CNTN5: variants seen among roughly 807,000 people sequenced by gnomAD.
CNTN5 encodes contactin 5, also known as contactin-5.
Under a neutral mutation model 129.1 loss-of-function variants are expected in CNTN5, and 77 were observed. That is an observed-to-expected ratio of 0.60 (90% CI 0.50 to 0.72). CNTN5 has a LOEUF of 0.72. CNTN5 is among the 30% of genes least tolerant of loss of function. The pLI, the probability that CNTN5 is intolerant of heterozygous loss-of-function variation, is 0.00. For missense variants in CNTN5, 1,478 were observed against 1,328.8 expected, an observed-to-expected ratio of 1.11 and a Z score of -1.75; for synonymous variants, 509 against 465.6, an observed-to-expected ratio of 1.09 and a Z score of -1.20.
chr11:99,286,044 A>G (rs1863927167), intron 1 of CNTN5, among the ~76,000 whole-genome samples: 2 of 150,822 alleles, frequency 1.3e-5, no homozygotes, highest in East Asian at 1.9e-4. Context: ...TCTGGAGAAA[A>G]AAAAAAAAAA....
intron 2 of CNTN5, among the ~76,000 whole-genome samples, chr11:99,330,975 CACAT>C (rs1474874852): frequency 6.6e-6 from 1 of 151,980 alleles, no homozygotes; most frequent in African/African-American, 2.4e-5. Context: ...GACACACACA[CACAT>C]ACACACACAA....
At chr11:99,670,090 A>G (rs931426787) in intron 3 of CNTN5, among the ~76,000 whole-genome samples, 1 of 152,088 alleles carries the variant, frequency 6.6e-6, no homozygotes, top group African/African-American at 2.4e-5. Flanking sequence ...TTATTATTCT[A>G]CTTGTCAGTT....
rs117725080 is a variant in CNTN5 at position 99,948,316 on chromosome 11, C to T, written c.674-8490C>T. Among the ~76,000 whole-genome samples the T allele has an allele frequency of 8.6e-3, 1,306 of 152,210 alleles. 12 individuals are homozygous for T. Among genetic ancestry groups the T allele is most frequent in the Non-Finnish European group, 0.015 (1,044 of 68,008 alleles). ...TATGAACATCTGTATTTCAGGTCCCCGTGCTGGTATTTTATAGTAGGTCTC... is the reference window on the plus strand; with the variant it reads ...TATGAACATCTGTATTTCAGGTCCCTGTGCTGGTATTTTATAGTAGGTCTC... On this transcript the variant is annotated intron_variant, in intron 7 of 24. Coordinates refer to ENST00000524871, the MANE Select transcript of CNTN5 (RefSeq NM_014361.4).
At chr11:99,838,285 T>C (rs995695155) in intron 4 of CNTN5, among the ~76,000 whole-genome samples, 11 of 152,214 alleles carry the variant, frequency 7.2e-5, no homozygotes, top group African/African-American at 2.7e-4. Flanking sequence ...TTCTTCCAGT[T>C]CTGAAAGCTT....
chr11:99,809,456 C>T (rs769736215), intron 3 of CNTN5, among the ~76,000 whole-genome samples: 1 of 152,056 alleles, frequency 6.6e-6, no homozygotes, highest in Non-Finnish European at 1.5e-5. Context: ...ATAATCATTT[C>T]ACGTTAAATA....
chr11:100,086,159 T>G (rs189254794), intron 13 of CNTN5, among the ~76,000 whole-genome samples: 232 of 151,942 alleles, frequency 1.5e-3, no homozygotes, highest in African/African-American at 2.8e-3. Context: ...AGGTAGTCTT[T>G]GAAAGACTCA....
At chr11:99,461,411 A>G (rs965035821) in intron 2 of CNTN5, among the ~76,000 whole-genome samples, 1 of 152,216 alleles carries the variant, frequency 6.6e-6, no homozygotes. Context: ...ATTTTTCTCT[A>G]TATTTTCAAA....
At chr11:100,063,802 A>C (rs918322412) in intron 10 of CNTN5, among the ~76,000 whole-genome samples, 1 of 151,732 alleles carries the variant, frequency 6.6e-6, no homozygotes, top group Admixed American at 6.6e-5. Flanking sequence ...TGGGAGAATC[A>C]CCTGAACCCA....
At chr11:99,709,620 G>A (rs768373467) in intron 3 of CNTN5, among the ~76,000 whole-genome samples, 1 of 151,744 alleles carries the variant, frequency 6.6e-6, no homozygotes, top group Non-Finnish European at 1.5e-5. Context: ...TTTCTAAATT[G>A]GGTAGTAATT....
At chr11:99,483,144 C>G (rs924693295) in intron 2 of CNTN5, among the ~76,000 whole-genome samples, 6 of 135,626 alleles carry the variant, frequency 4.4e-5, no homozygotes, top group Admixed American at 3.2e-4. Flanking sequence ...CCACTGCACT[C>G]CAGCCTGGCA....
Position 99,352,555 on chromosome 11 carries a change from C to A in CNTN5, c.-71+27071C>A, listed in dbSNP as rs1164025204. Among the ~76,000 whole-genome samples the A allele has an allele frequency of 3.3e-5, 5 of 151,866 alleles. No homozygotes were observed. In the East Asian group the frequency reaches 9.6e-4, roughly 29 times the overall value. On this transcript the variant is annotated intron_variant, in intron 2 of 24. Coordinates refer to ENST00000524871, the MANE Select transcript of CNTN5 (RefSeq NM_014361.4). ...AACTGATCTCATGTTGTTTGGAGCC[C>A]CTATTCCTAAAGTTGAAACAATAAA...
intron 13 of CNTN5, among the ~76,000 whole-genome samples, chr11:100,128,629 A>G (rs182233487): frequency 6.6e-6 from 1 of 152,284 alleles, no homozygotes; most frequent in East Asian, 1.9e-4. Context: ...GCTATAGTAG[A>G]AAGGCACAGA....
At chr11:99,306,117 A>T (rs182639729) in intron 1 of CNTN5, among the ~76,000 whole-genome samples, 1 of 152,342 alleles carries the variant, frequency 6.6e-6, no homozygotes, top group African/African-American at 2.4e-5. Context: ...ATTTTTCAGG[A>T]AACTATGTAA....
In CNTN5 at chr11:99,729,733, G is replaced by T. The variant is rs564094420; in HGVS notation, c.56-89811G>T. On this transcript the variant is annotated intron_variant, in intron 3 of 24. Transcript: ENST00000524871. ...ACTATGCAGCCATAAAAAGGAGTGA[G>T]ATCATGTCCTGTGCAGGGACATGGA... 5.9e-5 allele frequency among the ~76,000 whole-genome samples: 9 copies of T among 152,260 alleles called. No individual in the cohort carries two copies. In the East Asian group the frequency reaches 1.7e-3, roughly 29 times the overall value.
At chr11:100,092,160 CTTTG>C (rs1470586667) in intron 13 of CNTN5, among the ~76,000 whole-genome samples, 2 of 152,018 alleles carry the variant, frequency 1.3e-5, no homozygotes, top group Non-Finnish European at 2.9e-5. Context: ...GGTCAGTTCC[CTTTG>C]TTTATTTAAG....
rs1950402977 is a variant in CNTN5 at position 100,271,235 on chromosome 11, G to A, written c.2308G>A (p.Glu770Lys). ...CCCATCTCGAATGATCCGCACAAAT[G>A]AAGCAGGTAAAAATTTGGAAGAGTC... The part of the protein sequence containing the change: ...STPSRMIRTN[E>K]AVPKTAPTNV... The change falls in exon 18 of 25, where the codon GAA becomes AAA. Residue 770 changes from glutamate to lysine, a missense_variant. Coordinates refer to ENST00000524871, the MANE Select transcript of CNTN5 (RefSeq NM_014361.4). 6.3e-7 allele frequency: 1 copy of A among 1,595,748 alleles called. No homozygotes were observed. The highest frequency in any genetic ancestry group is 1.8e-5 in the Admixed American group (1 of 54,870).
intron 3 of CNTN5, among the ~76,000 whole-genome samples, chr11:99,654,234 T>C (rs959580375): frequency 6.9e-6 from 1 of 145,328 alleles, no homozygotes; most frequent in Admixed American, 6.7e-5. Flanking sequence ...ACAGTAGCTG[T>C]GTGTATTAGA....
chr11:99,824,277 G>T (rs1307343590), intron 4 of CNTN5, among the ~76,000 whole-genome samples: 1 of 151,864 alleles, frequency 6.6e-6, no homozygotes, highest in Admixed American at 6.6e-5. Context: ...TCTCCACATT[G>T]TCACCAACAT....
chr11:99,091,951 C>T (rs115692276), intron 1 of CNTN5, among the ~76,000 whole-genome samples: 2,150 of 152,118 alleles, frequency 0.014, 52 homozygotes, highest in African/African-American at 0.048. Context: ...GGAATGCTAT[C>T]CAAATTACAG....
Sources: gnomAD v4.1 joint callset for allele counts (sites outside exome capture counted in the v4.1 genomes callset) on GRCh38, gnomAD v4.1.1 for gene constraint, MANE v1.5 for transcripts, NCBI Gene and HGNC (gene_info 2026-07-23, HGNC 2026-07-21) for gene names.